The following DENND1A variants were observed in gnomAD, a reference collection of about 807,000 sequenced individuals.
DENND1A encodes DENN domain containing 1A.
A neutral mutation model predicts 113.7 loss-of-function variants in DENND1A; 51 were observed. The observed-to-expected ratio is 0.45, with a 90% CI of 0.36 to 0.57. The LOEUF is 0.57. DENND1A is among the 20% of genes least tolerant of loss of function. DENND1A has a pLI of 0.00. For missense variants in DENND1A, 1,258 were observed against 1,395.9 expected, an observed-to-expected ratio of 0.90 and a Z score of 1.57; for synonymous variants, 565 against 570.8, an observed-to-expected ratio of 0.99 and a Z score of 0.14.
chr9:123,823,059 C>G (rs1838740625), intron 2 of DENND1A, among the ~76,000 whole-genome samples: 1 of 152,168 alleles, frequency 6.6e-6, no homozygotes, highest in Non-Finnish European at 1.5e-5. Context: ...TCAACAGATA[C>G]TTATTGTGTA....
intron 5 of DENND1A, among the ~76,000 whole-genome samples, chr9:123,680,378 G>A (rs2140183321): frequency 6.6e-6 from 1 of 152,302 alleles, no homozygotes; most frequent in South Asian, 2.1e-4. Context: ...CCCGATCCGG[G>A]GTCCCACCGG....
At chr9:123,487,525 C>T (rs560323347) in intron 13 of DENND1A, among the ~76,000 whole-genome samples, 6 of 152,188 alleles carry the variant, frequency 3.9e-5, no homozygotes, top group Non-Finnish European at 7.3e-5. Context: ...CAGACCAATG[C>T]GCATGGCCCC....
chr9:123,508,972 G>A (rs1010400394), intron 13 of DENND1A, among the ~76,000 whole-genome samples: 3 of 152,128 alleles, frequency 2.0e-5, no homozygotes, highest in Non-Finnish European at 2.9e-5. Context: ...CTTACAAAAT[G>A]CACATGTACG....
chr9:123,538,809 CAT>C (rs35223887), intron 13 of DENND1A, among the ~76,000 whole-genome samples: 453 of 22,244 alleles, frequency 0.02, 1 homozygote, highest in South Asian at 0.039. Context: ...ACAACTCATA[CAT>C]ATATATATAT....
intron 13 of DENND1A, among the ~76,000 whole-genome samples, chr9:123,554,462 C>A (rs1177951402): frequency 6.6e-6 from 1 of 152,122 alleles, no homozygotes; most frequent in Admixed American, 6.5e-5. Flanking sequence ...CCTGGCTGCC[C>A]CAAGCAATCT....
intron 13 of DENND1A, among the ~76,000 whole-genome samples, chr9:123,520,484 A>T (rs2054307191): frequency 1.3e-5 from 2 of 152,194 alleles, no homozygotes; most frequent in Admixed American, 6.5e-5. Context: ...CTGCCTTTGG[A>T]AATTGTGGTG....
At chr9:123,444,226 C>T (rs1399581168) in intron 18 of DENND1A, among the ~76,000 whole-genome samples, 1 of 152,118 alleles carries the variant, frequency 6.6e-6, no homozygotes, top group Non-Finnish European at 1.5e-5. Flanking sequence ...GAAATTTATC[C>T]TAATGAAATA....
At chr9:123,572,738 T>C (rs772336887) in intron 12 of DENND1A, among the ~76,000 whole-genome samples, 1 of 152,240 alleles carries the variant, frequency 6.6e-6, no homozygotes, top group Non-Finnish European at 1.5e-5. Flanking sequence ...TCTCATTTTG[T>C]CTGTGGCTTG....
chr9:123,732,991 T>C (rs939465547), intron 5 of DENND1A, among the ~76,000 whole-genome samples: 2 of 152,240 alleles, frequency 1.3e-5, no homozygotes, highest in Non-Finnish European at 2.9e-5. Context: ...TTTATTGTTG[T>C]TGTTTTGAGA....
chr9:123,480,200 C>A (rs1341706639), intron 13 of DENND1A, among the ~76,000 whole-genome samples: 1 of 152,216 alleles, frequency 6.6e-6, no homozygotes, highest in African/African-American at 2.4e-5. Flanking sequence ...CAATTGCCTC[C>A]TCCCAGGGCC....
At chr9:123,385,692 G>C (rs1330256249) in intron 22 of DENND1A, among the ~76,000 whole-genome samples, 1 of 152,166 alleles carries the variant, frequency 6.6e-6, no homozygotes, top group African/African-American at 2.4e-5. Flanking sequence ...AAGCAGGCCA[G>C]GAAGTCGGAC....
At chr9:123,871,467 T>A (rs1846602313) in intron 2 of DENND1A, among the ~76,000 whole-genome samples, 1 of 152,104 alleles carries the variant, frequency 6.6e-6, no homozygotes, top group African/African-American at 2.4e-5. Flanking sequence ...CAGGTGAAGC[T>A]CCTAGACCAC....
At position 123,911,075 on chromosome 9, in the gene DENND1A, G is replaced by C. The variant is rs148718986; in HGVS notation, c.17+18814C>G. On this transcript the variant is annotated intron_variant, in intron 1 of 23. Transcript: ENST00000394215. ...ATAAAGAATGCCTACCAATCAGTAA[G>C]AAAAGAACAGAGAACATAGTGAAAA... 1.2e-3 allele frequency among the ~76,000 whole-genome samples: 188 copies of C among 152,216 alleles called. 1 individual carries two copies. The highest frequency in any genetic ancestry group is 4.4e-3 in the African/African-American group (182 of 41,538).
chr9:123,846,078 A>T (rs925997738), intron 2 of DENND1A, among the ~76,000 whole-genome samples: 13 of 152,230 alleles, frequency 8.5e-5, no homozygotes, highest in African/African-American at 2.9e-4. Context: ...ATATACAAGA[A>T]GCACACTAAA....
rs374137274 is a variant in DENND1A at position 123,584,515 on chromosome 9, C to T, written c.766-1245G>A. Among the ~76,000 whole-genome samples the T allele has an allele frequency of 3.9e-5, 6 of 152,328 alleles. No homozygotes were observed. The East Asian group carries it at 1.2e-3, about 29-fold the overall frequency. ...GGTGTAGGCTGGCAACAGAGGCAGA[C>T]ATCCAATGGCTGCTCAAGCTCCAGT... On this transcript the variant is annotated intron_variant, in intron 11 of 23. Transcript: ENST00000394215.
At chr9:123,614,458 A>G (rs2060553435) in intron 10 of DENND1A, among the ~76,000 whole-genome samples, 2 of 152,222 alleles carry the variant, frequency 1.3e-5, no homozygotes, top group African/African-American at 4.8e-5. Flanking sequence ...GTCCTTGTTC[A>G]TTATTACCGC....
chr9:123,645,197 A>G (rs1038148231), intron 9 of DENND1A, among the ~76,000 whole-genome samples: 9 of 152,122 alleles, frequency 5.9e-5, no homozygotes, highest in South Asian at 4.2e-4. Flanking sequence ...AATATTGTTG[A>G]GTTTGTCTCT....
intron 2 of DENND1A, among the ~76,000 whole-genome samples, chr9:123,840,643 G>A (rs377126176): frequency 3.2e-4 from 49 of 152,142 alleles, no homozygotes; most frequent in East Asian, 1.5e-3. Context: ...GCACAGTGCC[G>A]GTACAAAAAT....
chr9:123,544,960 T>C (rs974652273), intron 13 of DENND1A, among the ~76,000 whole-genome samples: 1 of 151,760 alleles, frequency 6.6e-6, no homozygotes, highest in African/African-American at 2.4e-5. Flanking sequence ...TAGCCGGTCG[T>C]GGTGGCGGGC....
Sources: allele counts gnomAD v4.1 joint callset (sites outside exome capture counted in the v4.1 genomes callset), GRCh38; gene constraint gnomAD v4.1.1; transcripts MANE v1.5; gene names NCBI Gene and HGNC (gene_info 2026-07-23, HGNC 2026-07-21).